ELF2: variants seen among roughly 807,000 people sequenced by gnomAD.
The protein encoded by ELF2 is E74 like ETS transcription factor 2, also known as ETS-related transcription factor Elf-2.
A neutral mutation model predicts 54.8 loss-of-function variants in ELF2; 11 were observed. That is an observed-to-expected ratio of 0.20 (90% CI 0.13 to 0.33). ELF2 has a LOEUF of 0.33. ELF2 is among the 10% of genes least tolerant of loss of function. ELF2 has a pLI of 1.00. For synonymous variants in ELF2, 203 were observed against 245.1 expected (o/e 0.83, Z 1.61); for missense variants, 513 against 703.0 (o/e 0.73, Z 3.06).
intron 4 of ELF2, chr4:139,115,519 G>A (rs937064713): frequency 7.3e-6 from 3 of 409,296 alleles, no homozygotes; most frequent in Admixed American, 6.4e-5. Context: ...GGAGCCCCCG[G>A]GCCTGGCCTG....
At chr4:139,136,835 T>C (rs997934188) in intron 3 of ELF2, 1 of 152,154 alleles carries the variant, frequency 6.6e-6, no homozygotes, top group African/African-American at 2.4e-5. Context: ...TGGCTAATTT[T>C]TTTGTATTTT....
chr4:139,109,697 T>C (rs1263394345), intron 4 of ELF2, among the ~76,000 whole-genome samples: 1 of 152,206 alleles, frequency 6.6e-6, no homozygotes, highest in African/African-American at 2.4e-5. Flanking sequence ...TGTAGCAACA[T>C]GGAACAGCCG....
chr4:139,110,482 AC>A (rs1734850946), intron 4 of ELF2, among the ~76,000 whole-genome samples: 1 of 152,352 alleles, frequency 6.6e-6, no homozygotes, highest in South Asian at 2.1e-4. Flanking sequence ...TGAACTGACA[AC>A]CATATCATAG....
At chr4:139,091,627 G>A (rs904590652) in intron 4 of ELF2, among the ~76,000 whole-genome samples, 5 of 152,088 alleles carry the variant, frequency 3.3e-5, no homozygotes, top group Admixed American at 2.0e-4. Flanking sequence ...GGGACTCCAG[G>A]TGTGTACCAT....
intron 4 of ELF2, among the ~76,000 whole-genome samples, chr4:139,082,727 C>T (rs1731292371): frequency 6.6e-6 from 1 of 152,224 alleles, no homozygotes; most frequent in Non-Finnish European, 1.5e-5. Context: ...TACAGAATTA[C>T]TGTTCCCTGA....
At chr4:139,154,326 T>G (rs1326168147) in intron 1 of ELF2, among the ~76,000 whole-genome samples, 5 of 152,190 alleles carry the variant, frequency 3.3e-5, no homozygotes, top group African/African-American at 1.2e-4. Flanking sequence ...AAAACAACTC[T>G]GAGAAGTAGA....
intron 3 of ELF2, among the ~76,000 whole-genome samples, chr4:139,127,471 C>A (rs1346709802): frequency 6.6e-6 from 1 of 152,128 alleles, no homozygotes; most frequent in Non-Finnish European, 1.5e-5. Context: ...ATAATATTGC[C>A]CTTTCCTAAC....
intron 3 of ELF2, chr4:139,137,269 A>C (rs1403022628): frequency 5.1e-6 from 1 of 195,206 alleles, no homozygotes; most frequent in Non-Finnish European, 1.0e-5. Context: ...ACAAAATTCT[A>C]ACTTAGAATG....
At chr4:139,166,430 T>C (rs538478560) in intron 1 of ELF2, among the ~76,000 whole-genome samples, 4 of 152,126 alleles carry the variant, frequency 2.6e-5, no homozygotes, top group South Asian at 4.1e-4. Flanking sequence ...AATAAAAATA[T>C]CTGCAATCAG....
In ELF2 at chr4:139,057,311, A is replaced by G. The variant is rs1727196801; in HGVS notation, c.*1672T>C. 1 of 152,258 alleles carries G rather than the reference A, an allele frequency of 6.6e-6. No individual in the cohort carries two copies. Among genetic ancestry groups the G allele is most frequent in the Admixed American group, 6.5e-5 (1 of 15,288 alleles). 9.4% of individuals were successfully genotyped at this position (152,258 alleles called of 1,614,324 possible). ...ATATATTTATGGAAAAGTTTAAAAG[A>G]TTACAAAGGGAACTGTTATAAACAA... On this transcript the variant is annotated 3_prime_UTR_variant, in exon 10 of 10. Coordinates refer to ENST00000686138, the MANE Select transcript of ELF2 (RefSeq NM_001331036.3).
chr4:139,130,357 A>C (rs1370989595), intron 3 of ELF2, among the ~76,000 whole-genome samples: 1 of 152,238 alleles, frequency 6.6e-6, no homozygotes, highest in Non-Finnish European at 1.5e-5. Context: ...CAACCCCAAG[A>C]AACTAATATA....
intron 1 of ELF2, among the ~76,000 whole-genome samples, chr4:139,144,396 A>G (rs1739017148): frequency 6.6e-6 from 1 of 152,166 alleles, no homozygotes; most frequent in Non-Finnish European, 1.5e-5. Flanking sequence ...GTCACAGGAG[A>G]GTTCACAAAG....
At chr4:139,091,082 C>T (rs1732522923) in intron 4 of ELF2, among the ~76,000 whole-genome samples, 1 of 151,952 alleles carries the variant, frequency 6.6e-6, no homozygotes, top group South Asian at 2.1e-4. Context: ...TACAGATGCC[C>T]GCCACCATGC....
chr4:139,167,612 T>C (rs1231981175), intron 1 of ELF2, among the ~76,000 whole-genome samples: 1 of 152,200 alleles, frequency 6.6e-6, no homozygotes, highest in African/African-American at 2.4e-5. Context: ...TTTTATTATC[T>C]ACCTGCAAAC....
intron 3 of ELF2, among the ~76,000 whole-genome samples, chr4:139,131,136 T>A (rs555874214): frequency 5.3e-5 from 8 of 152,138 alleles, no homozygotes; most frequent in Admixed American, 2.0e-4. Flanking sequence ...AGGGTGCAAA[T>A]AAAAAAATAC....
intron 1 of ELF2, among the ~76,000 whole-genome samples, chr4:139,176,693 C>A (rs1024604870): frequency 2.3e-4 from 35 of 151,998 alleles, no homozygotes; most frequent in African/African-American, 8.5e-4. Flanking sequence ...CTGCCCCGCG[C>A]CCCGCGCTCC....
intron 1 of ELF2, among the ~76,000 whole-genome samples, chr4:139,151,861 C>T (rs1169526632): frequency 6.6e-6 from 1 of 152,170 alleles, no homozygotes; most frequent in Admixed American, 6.5e-5. Context: ...AATTTTCCAA[C>T]AGGTTGTCCT....
intron 4 of ELF2, among the ~76,000 whole-genome samples, chr4:139,110,952 G>A (rs943046548): frequency 6.6e-6 from 1 of 152,076 alleles, no homozygotes; most frequent in African/African-American, 2.4e-5. Flanking sequence ...AACATAAGAT[G>A]TATTTAAATT....
At chr4:139,163,679 C>T (rs755719212) in intron 1 of ELF2, among the ~76,000 whole-genome samples, 7 of 151,712 alleles carry the variant, frequency 4.6e-5, no homozygotes, top group Non-Finnish European at 8.8e-5. Flanking sequence ...TTTGGGAGGC[C>T]GAAGCAGCCA....
Sources: gnomAD v4.1 joint callset for allele counts (sites outside exome capture counted in the v4.1 genomes callset) on GRCh38, gnomAD v4.1.1 for gene constraint, MANE v1.5 for transcripts, NCBI Gene and HGNC (gene_info 2026-07-23, HGNC 2026-07-21) for gene names.